The following NKAIN2 variants were observed in gnomAD, a reference collection of about 807,000 sequenced individuals.
NKAIN2 encodes the protein sodium/potassium transporting ATPase interacting 2, also known as sodium/potassium-transporting ATPase subunit beta-1-interacting protein 2.
In NKAIN2, 14 loss-of-function variants were observed where a neutral mutation model predicts 32.6. The ratio of observed to expected loss-of-function variants is 0.43; its 90% CI spans 0.28 to 0.67. The LOEUF (loss-of-function observed/expected upper bound fraction) is 0.67, where lower values mean the gene tolerates loss of function less well. Ranked by LOEUF, NKAIN2 falls within the 30% of genes least tolerant of loss-of-function variation. The probability of loss-of-function intolerance (pLI) is 0.17; values close to 1 mark genes in which losing one functional copy is unlikely to be tolerated. For synonymous variants in NKAIN2, 80 were observed against 87.2 expected (o/e 0.92, Z 0.46); for missense variants, 198 against 258.3 (o/e 0.77, Z 1.60).
intron 1 of NKAIN2, among the ~76,000 whole-genome samples, chr6:124,018,884 T>G (rs903837295): frequency 2.9e-4 from 44 of 152,136 alleles, no homozygotes; most frequent in African/African-American, 1.0e-3. Flanking sequence ...CAGTACCAAT[T>G]TACTGTATTA....
At chr6:124,793,339 T>C (rs936084249) in intron 5 of NKAIN2, among the ~76,000 whole-genome samples, 1 of 152,152 alleles carries the variant, frequency 6.6e-6, no homozygotes. Flanking sequence ...ACTTGTCTTA[T>C]ACAGAAAAGA....
chr6:124,589,654 G>C (rs1395729978), intron 3 of NKAIN2, among the ~76,000 whole-genome samples: 1 of 152,136 alleles, frequency 6.6e-6, no homozygotes, highest in Non-Finnish European at 1.5e-5. Flanking sequence ...AAACTGTGTT[G>C]ATATTAATTT....
chr6:124,765,199 T>A (rs1778456880), intron 4 of NKAIN2, among the ~76,000 whole-genome samples: 1 of 152,186 alleles, frequency 6.6e-6, no homozygotes, highest in African/African-American at 2.4e-5. Flanking sequence ...AATAGAAAAA[T>A]GCAATCAAAG....
chr6:124,290,510 A>ATGTGTGTGTGTGTGTGTGTGTGTG (rs56389666), intron 2 of NKAIN2, among the ~76,000 whole-genome samples: 1 of 137,786 alleles, frequency 7.3e-6, no homozygotes, highest in African/African-American at 2.7e-5. Context: ...TACCTCAGAA[A>ATGTGTGTGTGTGTGTGTGTGTGTG]TGTGTGTGTG....
At chr6:123,900,082 G>T (rs1774485274) in intron 1 of NKAIN2, among the ~76,000 whole-genome samples, 1 of 152,132 alleles carries the variant, frequency 6.6e-6, no homozygotes, top group Non-Finnish European at 1.5e-5. Flanking sequence ...GAGGCCCCTG[G>T]CCTAGGTTCA....
chr6:124,360,884 G>A (rs1195753550), intron 3 of NKAIN2, among the ~76,000 whole-genome samples: 1 of 152,124 alleles, frequency 6.6e-6, no homozygotes, highest in Non-Finnish European at 1.5e-5. Context: ...GAAGTGTCTG[G>A]TAACGGTTTG....
intron 5 of NKAIN2, among the ~76,000 whole-genome samples, chr6:124,816,408 T>C (rs1051813907): frequency 6.6e-6 from 1 of 152,082 alleles, no homozygotes; most frequent in Non-Finnish European, 1.5e-5. Flanking sequence ...AGAATAAACA[T>C]TAATGTAAAC....
chr6:124,201,307 T>C (rs1000677127), intron 1 of NKAIN2, among the ~76,000 whole-genome samples: 1 of 151,980 alleles, frequency 6.6e-6, no homozygotes, highest in Non-Finnish European at 1.5e-5. Flanking sequence ...AAATATGCAT[T>C]AATGGTTCTC....
At chr6:123,981,353 A>T (rs940129691) in intron 1 of NKAIN2, among the ~76,000 whole-genome samples, 1 of 152,212 alleles carries the variant, frequency 6.6e-6, no homozygotes, top group Non-Finnish European at 1.5e-5. Context: ...AAAAAGCATC[A>T]TACCTCCAAT....
intron 1 of NKAIN2, among the ~76,000 whole-genome samples, chr6:123,959,740 A>T (rs1582844716): frequency 6.7e-6 from 1 of 148,206 alleles, no homozygotes; most frequent in Non-Finnish European, 1.5e-5. Flanking sequence ...GGAAGTTAGA[A>T]TTTTTTTTCC....
intron 3 of NKAIN2, among the ~76,000 whole-genome samples, chr6:124,476,965 A>G (rs1370532801): frequency 6.6e-6 from 1 of 152,164 alleles, no homozygotes; most frequent in Non-Finnish European, 1.5e-5. Flanking sequence ...GCCTTAATCA[A>G]AGTGTCACCC....
intron 1 of NKAIN2, among the ~76,000 whole-genome samples, chr6:124,176,262 T>C (rs1356677047): frequency 6.6e-6 from 1 of 152,166 alleles, no homozygotes; most frequent in Non-Finnish European, 1.5e-5. Flanking sequence ...TCTCAACTCA[T>C]GGTTACTACA....
intron 1 of NKAIN2, among the ~76,000 whole-genome samples, chr6:124,220,067 T>A (rs994662792): frequency 3.9e-5 from 6 of 152,190 alleles, no homozygotes; most frequent in African/African-American, 1.4e-4. Context: ...AAATCTCATC[T>A]TGAATTGTAA....
chr6:124,375,347 C>T (rs552144852), intron 3 of NKAIN2, among the ~76,000 whole-genome samples: 3 of 148,550 alleles, frequency 2.0e-5, no homozygotes, highest in African/African-American at 4.9e-5. Context: ...CTTCCATATA[C>T]GTATCAAGAA....
intron 1 of NKAIN2, among the ~76,000 whole-genome samples, chr6:124,101,837 C>G (rs751388265): frequency 6.6e-6 from 1 of 152,108 alleles, no homozygotes; most frequent in Non-Finnish European, 1.5e-5. Context: ...GAAACCTGCT[C>G]AGTGAGGCAG....
At chr6:124,352,807 C>T (rs1272719249) in intron 2 of NKAIN2, among the ~76,000 whole-genome samples, 1 of 152,134 alleles carries the variant, frequency 6.6e-6, no homozygotes, top group African/African-American at 2.4e-5. Context: ...AACTGAAGTT[C>T]CTCTCTTGCT....
intron 3 of NKAIN2, among the ~76,000 whole-genome samples, chr6:124,615,431 C>G (rs948854024): frequency 2.0e-5 from 3 of 152,110 alleles, no homozygotes; most frequent in African/African-American, 7.2e-5. Flanking sequence ...TCCTGAGTCT[C>G]TACAATATAA....
chr6:124,029,256 G>A (rs1781297829), intron 1 of NKAIN2, among the ~76,000 whole-genome samples: 1 of 151,734 alleles, frequency 6.6e-6, no homozygotes, highest in Non-Finnish European at 1.5e-5. Context: ...TTATTTCTTA[G>A]TGAAATTCTT....
intron 3 of NKAIN2, among the ~76,000 whole-genome samples, chr6:124,425,516 C>T (rs751386007): frequency 5.9e-5 from 9 of 151,868 alleles, no homozygotes; most frequent in Non-Finnish European, 1.0e-4. Flanking sequence ...GGCAAACTAC[C>T]GACTGGGATG....
Sources: gnomAD v4.1 joint callset for allele counts (sites outside exome capture counted in the v4.1 genomes callset) on GRCh38, gnomAD v4.1.1 for gene constraint, MANE v1.5 for transcripts, NCBI Gene and HGNC (gene_info 2026-07-23, HGNC 2026-07-21) for gene names.